EP300: variants seen among roughly 807,000 people sequenced by gnomAD.
EP300 encodes the protein EP300 lysine acetyltransferase, also known as histone acetyltransferase p300.
A neutral mutation model predicts 264.0 loss-of-function variants in EP300; 31 were observed. That is an observed-to-expected ratio of 0.12 (90% CI 0.09 to 0.16). The LOEUF is 0.16. Ranked by LOEUF, EP300 falls within the 10% of genes least tolerant of loss-of-function variation. EP300 has a pLI of 1.00. For synonymous variants in EP300, 1,340 were observed against 1,045.4 expected, an observed-to-expected ratio of 1.28 and a Z score of -5.44; for missense variants, 2,766 against 3,052.9, an observed-to-expected ratio of 0.91 and a Z score of 2.21.
At chr22:41,171,187 G>A (rs528607601) in intron 27 of EP300, among the ~76,000 whole-genome samples, 50 of 150,872 alleles carry the variant, frequency 3.3e-4, no homozygotes, top group African/African-American at 9.8e-5. Context: ...TTGGGGTATC[G>A]CCATGCTGCC....
chr22:41,169,421 G>A, intron 25 of EP300, 82 bp from the exon 26 acceptor site: 2 of 838,904 alleles, frequency 2.4e-6, no homozygotes, highest in South Asian at 1.3e-5. Flanking sequence ...GAGTGAGAGG[G>A]TGTTATTAGG....
rs1475050569 is a variant in EP300 at position 41,177,393 on chromosome 22, C to A, written c.5682C>A (p.Gly1894=). Residue 1894 remains glycine (G), a synonymous_variant, in exon 31 of 31, where the codon GGC becomes GGA. Transcript: ENST00000263253. ...ACTTGCCCAGGACTCAAGCTGCTGG[C>A]CCTGTGTCCCAGGGTAAGGCAGCAG... ...PPYLPRTQAA[G]PVSQGKAAGQ... 1.2e-6 allele frequency: 2 copies of A among 1,614,104 alleles called. No individual in the cohort carries two copies. The highest frequency in any genetic ancestry group is 1.1e-5 in the South Asian group (1 of 91,088).
In EP300 at chr22:41,178,618, C is replaced by G. The variant is rs144787962; in HGVS notation, c.6907C>G (p.Leu2303Val). Residue 2303 changes from leucine to valine, a missense_variant, in exon 31 of 31, where the codon CTC becomes GTC. Physicochemically the swap from Leu to Val is conservative, Grantham distance 32. Transcript: ENST00000263253. ...ACAAGGCCAGCAGATCCCTAATTCT[C>G]TCTCCAATCAAGTGCGCTCTCCCCA... ...HLQGQQIPNS[L>V]SNQVRSPQPV... 3 of 1,614,110 alleles carry G rather than the reference C, an allele frequency of 1.9e-6. No homozygotes were observed. Among genetic ancestry groups the G allele is most frequent in the East Asian group, 2.2e-5 (1 of 44,884 alleles).
chr22:41,140,270 T>G lies in EP300; in HGVS notation c.1878+13T>G, dbSNP rs200466416. ...TGCAAACAATCGAGTGAGTGTCTGG[T>G]TTTTTTCTATTAATAGCCAAGATTG... On this transcript the variant is annotated intron_variant, in intron 9 of 30. Transcript: ENST00000263253. 1.3e-6 allele frequency: 2 copies of G among 1,535,780 alleles called. No individual in the cohort carries two copies. The highest frequency in any genetic ancestry group is 1.8e-6 in the Non-Finnish European group (2 of 1,108,632).
intron 25 of EP300, chr22:41,169,175 A>T (rs2059156309): frequency 1.8e-6 from 1 of 549,506 alleles, no homozygotes; most frequent in Admixed American, 3.1e-5. Context: ...GCTATGTGAA[A>T]ATATATCATA....
chr22:41,162,627 C>T, intron 20 of EP300, 96 bp from the exon 21 acceptor site: 1 of 935,576 alleles, frequency 1.1e-6, no homozygotes, highest in East Asian at 2.5e-5. Flanking sequence ...AAACCTGAAT[C>T]TCTATATAGG....
chr22:41,174,815 TAAAC>T (rs1349101562), intron 29 of EP300: 1 of 152,146 alleles, frequency 6.6e-6, no homozygotes, highest in African/African-American at 2.4e-5. Context: ...AAAAATTGGT[TAAAC>T]AGTCTCTTTG....
chr22:41,109,825 A>G (rs1020117454), intron 1 of EP300, among the ~76,000 whole-genome samples: 3 of 124,432 alleles, frequency 2.4e-5, no homozygotes, highest in African/African-American at 9.1e-5. Context: ...CCCCACCACC[A>G]CCCCCCAAGA....
At chr22:41,096,903 G>T (rs952869118) in intron 1 of EP300, among the ~76,000 whole-genome samples, 3 of 152,144 alleles carry the variant, frequency 2.0e-5, no homozygotes, top group Admixed American at 6.6e-5. Flanking sequence ...ACAGGCGTGA[G>T]CCACCATGCC....
chr22:41,167,636 A>ACAATGAACATCTCT (rs1569115767), intron 23 of EP300, among the ~76,000 whole-genome samples: 2 of 81,736 alleles, frequency 2.4e-5, no homozygotes, highest in East Asian at 6.3e-4. Flanking sequence ...ATATATATAT[A>ACAATGAACATCTCT]ATGTTTGGTT....
intron 2 of EP300, among the ~76,000 whole-genome samples, chr22:41,120,408 C>T (rs1569092028): frequency 1.3e-5 from 2 of 152,054 alleles, no homozygotes; most frequent in South Asian, 2.1e-4. Context: ...TCTTGTAGAG[C>T]GAATTATACT....
chr22:41,131,352 A>G (rs776577156), intron 5 of EP300, 36 bp from the exon 6 acceptor site: 9 of 1,610,322 alleles, frequency 5.6e-6, no homozygotes, highest in Non-Finnish European at 7.6e-6. Flanking sequence ...TCTCACCAGC[A>G]TTAATTTGTA....
Position 41,117,362 on chromosome 22 carries a change from C to T in EP300, c.270C>T (p.Ser90=), listed in dbSNP as rs367583060. ...QLSELLRSGS[S]PNLNMGVGGP... is the part of the protein sequence containing the mutation. ...CAGAATTGCTGCGATCTGGTAGTTC[C>T]CCTAACCTCAATATGGGAGTTGGTG... The change falls in exon 2 of 31, where the codon TCC becomes TCT. Residue 90 remains serine, a synonymous_variant. Transcript: ENST00000263253. 2.3e-5 allele frequency: 37 copies of T among 1,614,006 alleles called. No individual in the cohort carries two copies. Among genetic ancestry groups the T allele is most frequent in the Middle Eastern group, 1.6e-4 (1 of 6,084 alleles).
chr22:41,103,668 A>G (rs1314835687), intron 1 of EP300, among the ~76,000 whole-genome samples: 5 of 152,176 alleles, frequency 3.3e-5, no homozygotes, highest in Non-Finnish European at 7.3e-5. Flanking sequence ...ACGCTGTGTG[A>G]TAGGGTTTTT....
At chr22:41,122,434 G>A (rs2058858047) in intron 2 of EP300, among the ~76,000 whole-genome samples, 1 of 151,910 alleles carries the variant, frequency 6.6e-6, no homozygotes, top group African/African-American at 2.4e-5. Context: ...TCAAAGTGCT[G>A]GGATTACAGG....
At chr22:41,111,076 G>A (rs997733120) in intron 1 of EP300, among the ~76,000 whole-genome samples, 5 of 150,754 alleles carry the variant, frequency 3.3e-5, no homozygotes, top group African/African-American at 7.3e-5. Flanking sequence ...AGCGATTCTC[G>A]TGCCTCAGCC....
At chr22:41,169,088 T>C in intron 25 of EP300, 1 of 636,358 alleles carries the variant, frequency 1.6e-6, no homozygotes, top group South Asian at 1.9e-5. Flanking sequence ...ATAAAGGATA[T>C]GAATAGCAAC....
At chr22:41,124,130 C>A (rs943960013) in intron 2 of EP300, among the ~76,000 whole-genome samples, 1 of 152,200 alleles carries the variant, frequency 6.6e-6, no homozygotes. Flanking sequence ...CGCCTGTAGT[C>A]CCAGCTACTC....
chr22:41,134,150 A>G (rs1046198935), intron 6 of EP300, among the ~76,000 whole-genome samples: 1 of 106,504 alleles, frequency 9.4e-6, no homozygotes, highest in African/African-American at 3.5e-5. Context: ...TGGTCTGTTG[A>G]TTTCATTCTT....
Sources: gnomAD v4.1 joint callset for allele counts (sites outside exome capture counted in the v4.1 genomes callset) on GRCh38, gnomAD v4.1.1 for gene constraint, MANE v1.5 for transcripts, NCBI Gene and HGNC (gene_info 2026-07-23, HGNC 2026-07-21) for gene names.